The following HPCAL1 variants were observed in gnomAD, a reference collection of about 807,000 sequenced individuals.
HPCAL1 encodes the protein hippocalcin like 1.
In HPCAL1, 8 loss-of-function variants were observed where a neutral mutation model predicts 17.1. That is an observed-to-expected ratio of 0.47 (90% CI 0.27 to 0.84). HPCAL1 has a LOEUF of 0.84. Ranked by LOEUF, HPCAL1 falls within the 40% of genes least tolerant of loss-of-function variation. The pLI, the probability that HPCAL1 is intolerant of heterozygous loss-of-function variation, is 0.13. For missense variants in HPCAL1, 165 were observed against 271.1 expected (o/e 0.61, Z 2.75); for synonymous variants, 112 against 111.4 (o/e 1.01, Z -0.03).
intron 2 of HPCAL1, among the ~76,000 whole-genome samples, chr2:10,400,244 C>T (rs575741959): frequency 4.3e-4 from 65 of 152,308 alleles, no homozygotes; most frequent in Admixed American, 2.9e-3. Flanking sequence ...AGGGGCAGGA[C>T]GCTGGCAACC....
intron 2 of HPCAL1, among the ~76,000 whole-genome samples, chr2:10,398,199 G>A (rs1046229094): frequency 6.6e-6 from 1 of 152,216 alleles, no homozygotes; most frequent in African/African-American, 2.4e-5. Context: ...AGGGACATTT[G>A]GGGACAGAGC....
intron 1 of HPCAL1, among the ~76,000 whole-genome samples, chr2:10,346,565 A>G (rs567175740): frequency 5.3e-5 from 8 of 152,328 alleles, no homozygotes; most frequent in Admixed American, 5.2e-4. Flanking sequence ...CAGTCAGGCT[A>G]TAAATGGTCC....
chr2:10,375,604 CATCA>C (rs1247286757), intron 1 of HPCAL1, among the ~76,000 whole-genome samples: 1 of 152,214 alleles, frequency 6.6e-6, no homozygotes, highest in African/African-American at 2.4e-5. Context: ...TCAGAATTGA[CATCA>C]ATTTGAGCCC....
intron 2 of HPCAL1, among the ~76,000 whole-genome samples, chr2:10,399,567 GCCA>G (rs1348606223): frequency 0.011 from 195 of 18,426 alleles, 9 homozygotes; most frequent in African/African-American, 0.051. Flanking sequence ...TACCGCCACC[GCCA>G]CCACCACCGC....
intron 2 of HPCAL1, among the ~76,000 whole-genome samples, chr2:10,411,429 C>T (rs567856404): frequency 6.6e-6 from 1 of 152,326 alleles, no homozygotes; most frequent in African/African-American, 2.4e-5. Context: ...CTAGAATCTT[C>T]ACTGTGTCCT....
intron 3 of HPCAL1, among the ~76,000 whole-genome samples, chr2:10,421,169 T>G (rs188799564): frequency 5.9e-5 from 9 of 152,338 alleles, no homozygotes; most frequent in Admixed American, 2.0e-4. Flanking sequence ...TCCCCAGGAA[T>G]GCGCAGTCAT....
Position 10,400,209 on chromosome 2 carries a change from G to A in HPCAL1, c.-25+3289G>A, listed in dbSNP as rs140795314. On this transcript the variant is annotated intron_variant, in intron 2 of 4. Coordinates refer to ENST00000307845, the MANE Select transcript of HPCAL1 (RefSeq NM_002149.4). ...AAGGAGGGGGCGAGCAGGCGGCTCA[G>A]CCAGGTCGGAGTGGGTCACACCTGA... is the stretch of plus-strand genomic sequence containing the variant. Among the ~76,000 whole-genome samples the A allele has an allele frequency of 8.7e-3, 1,319 of 152,282 alleles. 7 individuals are homozygous for A. The highest frequency in any genetic ancestry group is 0.013 in the Admixed American group (206 of 15,302).
intron 1 of HPCAL1, among the ~76,000 whole-genome samples, chr2:10,382,191 A>G (rs1392997533): frequency 6.6e-6 from 1 of 152,228 alleles, no homozygotes; most frequent in Non-Finnish European, 1.5e-5. Flanking sequence ...TGAAAAGGCT[A>G]TGCCTATGGA....
chr2:10,418,403 T>C (rs1042728872), intron 2 of HPCAL1, among the ~76,000 whole-genome samples: 8 of 123,694 alleles, frequency 6.5e-5, no homozygotes, highest in African/African-American at 2.6e-4. Context: ...CACTGCACAC[T>C]CCTCATAAGT....
chr2:10,350,697 G>A (rs998035065), intron 1 of HPCAL1, among the ~76,000 whole-genome samples: 1 of 152,154 alleles, frequency 6.6e-6, no homozygotes, highest in Non-Finnish European at 1.5e-5. Flanking sequence ...ATAGATTCTA[G>A]ACTTGCATCT....
intron 1 of HPCAL1, among the ~76,000 whole-genome samples, chr2:10,328,531 C>T (rs945130981): frequency 6.6e-6 from 1 of 152,142 alleles, no homozygotes; most frequent in Non-Finnish European, 1.5e-5. Flanking sequence ...CCAGCTAGAA[C>T]AAAAATGTAG....
rs1558443685 is a variant in HPCAL1 at position 10,304,803 on chromosome 2, A to T, written c.-111+1626A>T. ...CTCTGGGGGAAAAAAATCGCCTTTAACCAAGGGAGCCAAGATCTCACCAGT... is the reference window on the plus strand; with the variant it reads ...CTCTGGGGGAAAAAAATCGCCTTTATCCAAGGGAGCCAAGATCTCACCAGT... On this transcript the variant is annotated intron_variant, in intron 1 of 4. Coordinates refer to ENST00000307845, the MANE Select transcript of HPCAL1 (RefSeq NM_002149.4). This position sits in a 1 kb window ranked among gnomAD's most constrained non-coding sequence, Gnocchi z 4.1. Among the ~76,000 whole-genome samples, 1 of 152,076 alleles carries T rather than the reference A, an allele frequency of 6.6e-6. No individual in the cohort carries two copies. Among genetic ancestry groups the T allele is most frequent in the African/African-American group, 2.4e-5 (1 of 41,392 alleles).
chr2:10,403,920 T>G lies in HPCAL1; in HGVS notation c.-25+7000T>G, dbSNP rs553646882. On this transcript the variant is annotated intron_variant, in intron 2 of 4. Coordinates refer to ENST00000307845, the MANE Select transcript of HPCAL1 (RefSeq NM_002149.4). ...TGAACTACCATTCAAGTAATTGGTC[T>G]GAATTCCTAAGTTTCGATGGTATTT... Among the ~76,000 whole-genome samples the G allele has an allele frequency of 2.6e-5, 4 of 152,372 alleles. No individual in the cohort carries two copies. In the South Asian group the frequency reaches 8.3e-4, roughly 32 times the overall value.
intron 1 of HPCAL1, among the ~76,000 whole-genome samples, chr2:10,313,127 C>G (rs1663093375): frequency 6.6e-6 from 1 of 152,176 alleles, no homozygotes; most frequent in Non-Finnish European, 1.5e-5. Flanking sequence ...CTGAAAGGGT[C>G]TTCATGAGAA....
At chr2:10,338,201 T>A (rs1261869405) in intron 1 of HPCAL1, among the ~76,000 whole-genome samples, 2 of 152,144 alleles carry the variant, frequency 1.3e-5, no homozygotes, top group Non-Finnish European at 2.9e-5. Flanking sequence ...AAGCGACTCC[T>A]AAGGGGCACG....
chr2:10,303,892 G>A (rs1662436001), intron 1 of HPCAL1: 1 of 152,332 alleles, frequency 6.6e-6, no homozygotes, highest in African/African-American at 2.4e-5. Context: ...GTGGTGACAG[G>A]TGAAATGAGA....
rs115558742 is a variant in HPCAL1, at chr2:10,354,858, G to A, written c.-110-41977G>A. ...TTGTGTTAGAACTTAATGATGCGAC[G>A]TTTGCTTTGCAAACTGTGGTCCCCT... On this transcript the variant is annotated intron_variant, in intron 1 of 4. Coordinates refer to ENST00000307845, the MANE Select transcript of HPCAL1 (RefSeq NM_002149.4). This position sits in a 1 kb window ranked among gnomAD's most constrained non-coding sequence, Gnocchi z 5.1. Among the ~76,000 whole-genome samples, 1,460 of 152,314 alleles carry A rather than the reference G, an allele frequency of 9.6e-3. 12 individuals carry two copies. Among genetic ancestry groups the A allele is most frequent in the Non-Finnish European group, 0.013 (900 of 68,028 alleles).
At chr2:10,405,745 G>A (rs1669927955) in intron 2 of HPCAL1, among the ~76,000 whole-genome samples, 1 of 152,194 alleles carries the variant, frequency 6.6e-6, no homozygotes, top group African/African-American at 2.4e-5. Flanking sequence ...CCAGGGTGGG[G>A]GCCTCGGGCA....
Position 10,310,441 on chromosome 2 carries a change from A to G in HPCAL1, c.-111+7264A>G, listed in dbSNP as rs113015429. On this transcript the variant is annotated intron_variant, in intron 1 of 4. Coordinates refer to ENST00000307845, the MANE Select transcript of HPCAL1 (RefSeq NM_002149.4). The surrounding 1 kb of genome is among the most constrained non-coding windows in gnomAD (Gnocchi z 4.5). ...GGCATGTTTTGATCCAGGCTGTCGT[A>G]GCAAGGGATTTGATGCTGGAGTCTG... Among the ~76,000 whole-genome samples, 723 of 152,256 alleles carry G rather than the reference A, an allele frequency of 4.7e-3. 9 individuals carry two copies. Among genetic ancestry groups the G allele is most frequent in the African/African-American group, 0.016 (671 of 41,546 alleles).
Sources: gnomAD v4.1 joint callset for allele counts (sites outside exome capture counted in the v4.1 genomes callset) on GRCh38, gnomAD v4.1.1 for gene constraint, Gnocchi (gnomAD v3.1) non-coding constraint, MANE v1.5 for transcripts, NCBI Gene and HGNC (gene_info 2026-07-23, HGNC 2026-07-21) for gene names.